Variants in FAM184B observed in about 807,000 individuals in gnomAD.
FAM184B encodes protein FAM184B.
A neutral mutation model predicts 135.9 loss-of-function variants in FAM184B; 111 were observed. That is an observed-to-expected ratio of 0.82 (90% CI 0.70 to 0.96). The LOEUF (loss-of-function observed/expected upper bound fraction) is 0.96. Ranked by LOEUF, FAM184B falls within the 40% of genes least tolerant of loss-of-function variation. FAM184B has a pLI of 0.00. For synonymous variants in FAM184B, 552 were observed against 524.8 expected (o/e 1.05, Z -0.71); for missense variants, 1,375 against 1,323.9 (o/e 1.04, Z -0.60).
chr4:17,644,480 A>G (rs1715410188), intron 12 of FAM184B, among the ~76,000 whole-genome samples: 1 of 152,234 alleles, frequency 6.6e-6, no homozygotes, highest in Admixed American at 6.5e-5. Flanking sequence ...ACCAACGACA[A>G]AAACCACATG....
At chr4:17,692,599 C>T (rs866519963) in intron 6 of FAM184B, among the ~76,000 whole-genome samples, 7 of 152,134 alleles carry the variant, frequency 4.6e-5, no homozygotes, top group Admixed American at 2.0e-4. Flanking sequence ...CTGTTTTGCG[C>T]ATGGCCTTTG....
chr4:17,705,624 A>G lies in FAM184B; in HGVS notation c.1170+128T>C, dbSNP rs924783826. On this transcript the variant is annotated intron_variant, in intron 4 of 17. Coordinates refer to ENST00000265018, the MANE Select transcript of FAM184B (RefSeq NM_015688.2). Reference sequence around the variant, plus strand: ...AGTAAGTTGGCTGGAATTCTACTCCAGGAACTACAGGGTCTTCTGATTCCA... The same window carrying G: ...AGTAAGTTGGCTGGAATTCTACTCCGGGAACTACAGGGTCTTCTGATTCCA... The G allele has an allele frequency of 4.4e-6, 5 of 1,147,712 alleles. No individual in the cohort carries two copies. The African/African-American group carries it at 7.8e-5, about 18-fold the overall frequency. The allele number at this position is 1,147,712 out of a possible 1,614,324, so 71.1% of individuals were successfully genotyped here. A position where few individuals can be genotyped will look rare whatever the true frequency, so the allele number is the denominator to read the frequency against.
rs1478416038 is a variant in FAM184B, at chr4:17,647,629, G to C, written c.2346+8C>G. The C allele has an allele frequency of 1.9e-6, 3 of 1,547,592 alleles. No homozygotes were observed. The highest frequency in any genetic ancestry group is 2.6e-6 in the Non-Finnish European group (3 of 1,145,036). On this transcript the variant is annotated splice_region_variant and intron_variant, in intron 12 of 17. Coordinates refer to ENST00000265018, the MANE Select transcript of FAM184B (RefSeq NM_015688.2). Reference sequence around the variant, plus strand: ...GGGTATTGCTGGTGCAAGGGCGGGGGCACTGACCTCTGTGGCGATTATGTG... The same window carrying C: ...GGGTATTGCTGGTGCAAGGGCGGGGCCACTGACCTCTGTGGCGATTATGTG...
chr4:17,706,374 T>C (rs1717119076), intron 3 of FAM184B, among the ~76,000 whole-genome samples: 1 of 152,172 alleles, frequency 6.6e-6, no homozygotes. Context: ...TTCTGCTCCA[T>C]GGTGGCATCT....
intron 7 of FAM184B, among the ~76,000 whole-genome samples, chr4:17,668,326 C>T (rs1716098918): frequency 6.6e-6 from 1 of 152,178 alleles, no homozygotes; most frequent in Admixed American, 6.5e-5. Context: ...ATCTCATATC[C>T]TATATCATTC....
At chr4:17,680,488 A>G (rs575588524) in intron 7 of FAM184B, among the ~76,000 whole-genome samples, 2 of 152,346 alleles carry the variant, frequency 1.3e-5, no homozygotes, top group African/African-American at 4.8e-5. Flanking sequence ...TAAACAAAAC[A>G]AAACAAAAAC....
intron 14 of FAM184B, among the ~76,000 whole-genome samples, chr4:17,638,654 A>G (rs1007037389): frequency 3.3e-5 from 5 of 152,194 alleles, no homozygotes; most frequent in South Asian, 2.1e-4. Flanking sequence ...AATAAATGCA[A>G]TATGTTTGCA....
chr4:17,634,952 A>G lies in FAM184B; in HGVS notation c.2889+57T>C, dbSNP rs140407107. ...CTTAAATAACCTGTGGTTACCTTTA[A>G]GAAAAACGAAACCAATGGAATTGTA... is the stretch of plus-strand genomic sequence containing the variant. On this transcript the variant is annotated intron_variant, in intron 16 of 17. Coordinates refer to ENST00000265018, the MANE Select transcript of FAM184B (RefSeq NM_015688.2). 14 of 1,307,240 alleles carry G rather than the reference A, an allele frequency of 1.1e-5. No individual in the cohort carries two copies. In the East Asian group the frequency reaches 3.3e-4, roughly 31 times the overall value. 81.0% of individuals were successfully genotyped at this position (1,307,240 alleles called of 1,614,324 possible).
intron 2 of FAM184B, 134 bp from the exon 3 acceptor site, chr4:17,707,918 GC>G: frequency 1.1e-6 from 1 of 939,698 alleles, no homozygotes; most frequent in Non-Finnish European, 1.5e-6. Flanking sequence ...GAATTCAGTG[GC>G]CCAGGGCTCA....
intron 5 of FAM184B, among the ~76,000 whole-genome samples, chr4:17,700,156 G>A (rs1329755334): frequency 6.6e-6 from 1 of 152,150 alleles, no homozygotes; most frequent in Non-Finnish European, 1.5e-5. Context: ...GGGAACAGAT[G>A]TGACAAGTAG....
At chr4:17,716,301 A>G (rs1717400450) in intron 1 of FAM184B, among the ~76,000 whole-genome samples, 1 of 151,736 alleles carries the variant, frequency 6.6e-6, no homozygotes, top group Non-Finnish European at 1.5e-5. Flanking sequence ...CCCTCATTCT[A>G]TACTTGTTCT....
intron 1 of FAM184B, among the ~76,000 whole-genome samples, chr4:17,770,691 C>T (rs1331679313): frequency 1.3e-5 from 2 of 152,184 alleles, no homozygotes; most frequent in South Asian, 4.1e-4. Flanking sequence ...GTCTTGAACT[C>T]CTGACCTCAG....
At chr4:17,705,380 C>T (rs528009782) in intron 4 of FAM184B, among the ~76,000 whole-genome samples, 174 bp from the exon 5 acceptor site, 8 of 152,182 alleles carry the variant, frequency 5.3e-5, no homozygotes, top group Non-Finnish European at 8.8e-5. Context: ...AAGTCTCCAC[C>T]ACTGGAAAAG....
At chr4:17,689,239 G>T (rs531931792) in intron 6 of FAM184B, among the ~76,000 whole-genome samples, 2 of 152,284 alleles carry the variant, frequency 1.3e-5, no homozygotes, top group South Asian at 2.1e-4. Flanking sequence ...AGAAAAGAGT[G>T]GTTGGGGGTG....
intron 1 of FAM184B, among the ~76,000 whole-genome samples, chr4:17,733,681 G>A (rs1717838976): frequency 6.6e-6 from 1 of 152,064 alleles, no homozygotes; most frequent in East Asian, 1.9e-4. Context: ...AATAAAAGAG[G>A]ATACAAACAA....
intron 1 of FAM184B, among the ~76,000 whole-genome samples, chr4:17,748,113 A>AG (rs1472759960): frequency 1.3e-5 from 2 of 150,010 alleles, no homozygotes; most frequent in South Asian, 4.2e-4. Context: ...GAAAAAAAAA[A>AG]AAAAAAAAAA....
At position 17,636,592 on chromosome 4, in the gene FAM184B, AG is replaced by A; in HGVS notation, c.2719del (p.Leu907PhefsTer11). The A allele has an allele frequency of 1.3e-6, 2 of 1,551,118 alleles. No homozygotes were observed. Among genetic ancestry groups the A allele is most frequent in the Middle Eastern group, 1.7e-4 (1 of 5,990 alleles). On this transcript the variant is annotated frameshift_variant, in exon 15 of 18. Coordinates refer to ENST00000265018, the MANE Select transcript of FAM184B (RefSeq NM_015688.2). LOFTEE classifies it high-confidence loss of function. ...PGKGASRPED[L>X]QLIGRLQTRL... Reference sequence around the variant, plus strand: ...GGTCTGCAGGCGGCCAATGAGCTGAAGGTCCTCGGGCCTGGACGCTCCCTTC... The same window carrying A: ...GGTCTGCAGGCGGCCAATGAGCTGAAGTCCTCGGGCCTGGACGCTCCCTTC...
At chr4:17,645,433 A>T (rs987292877) in intron 12 of FAM184B, among the ~76,000 whole-genome samples, 2 of 152,230 alleles carry the variant, frequency 1.3e-5, no homozygotes, top group Non-Finnish European at 2.9e-5. Flanking sequence ...CATATCTGCA[A>T]CTATCTGATC....
chr4:17,777,040 T>A (rs968573158), intron 1 of FAM184B, among the ~76,000 whole-genome samples: 13 of 152,172 alleles, frequency 8.5e-5, no homozygotes, highest in Non-Finnish European at 1.5e-4. Context: ...CAAGAACACA[T>A]AAAGACTTGC....
Sources: allele counts gnomAD v4.1 joint callset (sites outside exome capture counted in the v4.1 genomes callset), GRCh38; gene constraint gnomAD v4.1.1; transcripts MANE v1.5; gene names NCBI Gene and HGNC (gene_info 2026-07-23, HGNC 2026-07-21).